The following GOLPH3 variants were observed in gnomAD, a reference collection of about 807,000 sequenced individuals.
GOLPH3 encodes coat protein GPP34.
Under a neutral mutation model 28.5 loss-of-function variants are expected in GOLPH3, and 14 were observed. The ratio of observed to expected loss-of-function variants is 0.49; its 90% CI spans 0.32 to 0.77. The LOEUF (loss-of-function observed/expected upper bound fraction) is 0.77, where lower values mean the gene tolerates loss of function less well. Ranked by LOEUF, GOLPH3 falls within the 30% of genes least tolerant of loss-of-function variation. The probability of loss-of-function intolerance (pLI) is 0.03; values close to 1 mark genes in which losing one functional copy is unlikely to be tolerated. For missense variants in GOLPH3, 350 were observed against 393.7 expected, an observed-to-expected ratio of 0.89 and a Z score of 0.94; for synonymous variants, 158 against 159.2, an observed-to-expected ratio of 0.99 and a Z score of 0.06.
rs1235968769 is a variant in GOLPH3, at chr5:32,137,116, C to T, written c.358-1430G>A. On this transcript the variant is annotated intron_variant, in intron 2 of 3. Coordinates refer to ENST00000265070, the MANE Select transcript of GOLPH3 (RefSeq NM_022130.4). ...CTGGAATAACAGGTGTGTGCCACCACGCCTGGCTAATTTTGTATTTTTAGT... is the reference window on the plus strand; with the variant it reads ...CTGGAATAACAGGTGTGTGCCACCATGCCTGGCTAATTTTGTATTTTTAGT... 5.3e-5 allele frequency among the ~76,000 whole-genome samples: 8 copies of T among 151,796 alleles called. No homozygotes were observed. The East Asian group carries it at 7.9e-4, about 15-fold the overall frequency.
At chr5:32,162,467 A>G (rs537242981) in intron 1 of GOLPH3, among the ~76,000 whole-genome samples, 17 of 151,350 alleles carry the variant, frequency 1.1e-4, no homozygotes, top group East Asian at 1.9e-4. Context: ...ACTCCAGCCT[A>G]GGCAACAGAG....
chr5:32,142,799 G>C (rs1335561109), intron 2 of GOLPH3, among the ~76,000 whole-genome samples: 3 of 148,546 alleles, frequency 2.0e-5, no homozygotes, highest in Non-Finnish European at 3.0e-5. Context: ...CCTCTGTCCG[G>C]CCAGCTGCCC....
chr5:32,154,449 A>G (rs1039002486), intron 1 of GOLPH3, among the ~76,000 whole-genome samples: 3 of 152,256 alleles, frequency 2.0e-5, no homozygotes, highest in East Asian at 1.9e-4. Flanking sequence ...GATATCTGCA[A>G]TAACTGTGAT....
At chr5:32,161,127 G>A (rs1201307474) in intron 1 of GOLPH3, among the ~76,000 whole-genome samples, 1 of 149,122 alleles carries the variant, frequency 6.7e-6, no homozygotes, top group Non-Finnish European at 1.5e-5. Context: ...GTGAGGCTGG[G>A]CCCGGTGGTT....
At chr5:32,127,242 C>T (rs1174660102) in intron 3 of GOLPH3, among the ~76,000 whole-genome samples, 6 of 152,154 alleles carry the variant, frequency 3.9e-5, no homozygotes, top group Non-Finnish European at 8.8e-5. Context: ...AAAGTGGGTT[C>T]TTCTTTATAG....
intron 3 of GOLPH3, among the ~76,000 whole-genome samples, chr5:32,129,594 A>G (rs1745778769): frequency 6.6e-6 from 1 of 152,242 alleles, no homozygotes; most frequent in South Asian, 2.1e-4. Flanking sequence ...TAGGGCCATA[A>G]GAACAAAATG....
intron 1 of GOLPH3, among the ~76,000 whole-genome samples, chr5:32,164,088 A>G (rs1746653309): frequency 1.3e-5 from 2 of 152,216 alleles, no homozygotes; most frequent in South Asian, 4.1e-4. Flanking sequence ...TTTAACTCAT[A>G]AGTTCCTACA....
At chr5:32,149,654 A>G (rs1301646734) in intron 1 of GOLPH3, among the ~76,000 whole-genome samples, 1 of 152,240 alleles carries the variant, frequency 6.6e-6, no homozygotes, top group Non-Finnish European at 1.5e-5. Flanking sequence ...GTAAAAGCAG[A>G]TTAAAAAGAC....
chr5:32,140,049 G>A (rs1321789099), intron 2 of GOLPH3, among the ~76,000 whole-genome samples: 1 of 152,062 alleles, frequency 6.6e-6, no homozygotes, highest in African/African-American at 2.4e-5. Context: ...AGAAATACAA[G>A]TTTTCAAAAC....
chr5:32,135,741 T>A (rs1011285832), intron 2 of GOLPH3, 55 bp from the exon 3 acceptor site: 2 of 992,320 alleles, frequency 2.0e-6, no homozygotes, highest in Non-Finnish European at 3.2e-6. Flanking sequence ...TCTGAGTTGA[T>A]CTCATTAAAT....
Position 32,146,927 on chromosome 5 carries a change from C to A in GOLPH3, c.226-3047G>T, listed in dbSNP as rs563985494. Among the ~76,000 whole-genome samples the A allele has an allele frequency of 4.6e-5, 7 of 150,920 alleles. No individual in the cohort carries two copies. In the East Asian group the frequency reaches 1.2e-3, roughly 25 times the overall value. ...GAGCTAAAGAAAACAAAAAAAAAAACCTCATGTTTTAACAAAGTTTACAAA... is the reference window on the plus strand; with the variant it reads ...GAGCTAAAGAAAACAAAAAAAAAAAACTCATGTTTTAACAAAGTTTACAAA... On this transcript the variant is annotated intron_variant, in intron 1 of 3. Coordinates refer to ENST00000265070, the MANE Select transcript of GOLPH3 (RefSeq NM_022130.4).
chr5:32,145,080 C>T (rs1054842572), intron 1 of GOLPH3, among the ~76,000 whole-genome samples: 3 of 152,322 alleles, frequency 2.0e-5, no homozygotes, highest in South Asian at 4.1e-4. Context: ...AAGGTCAATC[C>T]TGGCACTTTG....
chr5:32,173,781 G>A (rs983190504), intron 1 of GOLPH3, 29 bp downstream of exon 1: 11 of 1,323,136 alleles, frequency 8.3e-6, no homozygotes, highest in African/African-American at 4.6e-5. Context: ...CCGCGCCGCC[G>A]CCCCCCGCCC....
At position 32,133,950 on chromosome 5, in the gene GOLPH3, C is replaced by T. The variant is rs550413861; in HGVS notation, c.472+1622G>A. Among the ~76,000 whole-genome samples, 8 of 152,158 alleles carry T rather than the reference C, an allele frequency of 5.3e-5. No individual in the cohort carries two copies. The East Asian group carries it at 1.4e-3, about 26-fold the overall frequency. On this transcript the variant is annotated intron_variant, in intron 3 of 3. Transcript: ENST00000265070. ...AGAAGAGGGTTATCCAACAAAAATGCAAATTTATCAAGAATACGTTTACGT... is the reference window on the plus strand; with the variant it reads ...AGAAGAGGGTTATCCAACAAAAATGTAAATTTATCAAGAATACGTTTACGT...
chr5:32,158,111 TAAATAAATAAATAAATAAAATACACACAC>T (rs1561678987), intron 1 of GOLPH3, among the ~76,000 whole-genome samples: 47 of 104,142 alleles, frequency 4.5e-4, no homozygotes, highest in African/African-American at 1.9e-3. Context: ...AATAAATAAA[TAAATAAATAAATAAATAAAATACACACAC>T]ACACACACAC....
chr5:32,132,624 A>T (rs909275715), intron 3 of GOLPH3, among the ~76,000 whole-genome samples: 1 of 152,248 alleles, frequency 6.6e-6, no homozygotes, highest in Non-Finnish European at 1.5e-5. Context: ...TTCATAGCAC[A>T]TATGTCATTA....
At chr5:32,153,080 C>T (rs1398076254) in intron 1 of GOLPH3, among the ~76,000 whole-genome samples, 2 of 152,088 alleles carry the variant, frequency 1.3e-5, no homozygotes, top group Admixed American at 6.6e-5. Flanking sequence ...CCCATAAATC[C>T]ATCAATAAGG....
chr5:32,166,771 C>T (rs1264464864), intron 1 of GOLPH3, among the ~76,000 whole-genome samples: 1 of 150,286 alleles, frequency 6.7e-6, no homozygotes, highest in East Asian at 2.0e-4. Flanking sequence ...GGTGCCATTG[C>T]ACTTCAGCCC....
In GOLPH3 at chr5:32,164,550, C is replaced by T. The variant is rs561813698; in HGVS notation, c.225+9260G>A. 1.4e-4 allele frequency among the ~76,000 whole-genome samples: 21 copies of T among 151,828 alleles called. No homozygotes were observed. In the South Asian group the frequency reaches 4.2e-3, roughly 30 times the overall value. On this transcript the variant is annotated intron_variant, in intron 1 of 3. Transcript: ENST00000265070. The stretch of plus-strand genomic sequence containing the variant: ...CTGGGACTACAGGAGCCCGCCAGCA[C>T]GCCAAGCTAATTTCTTTGTATTTTT...
Sources: gnomAD v4.1 joint callset for allele counts (sites outside exome capture counted in the v4.1 genomes callset) on GRCh38, gnomAD v4.1.1 for gene constraint, MANE v1.5 for transcripts, NCBI Gene and HGNC (gene_info 2026-07-23, HGNC 2026-07-21) for gene names.